The following FSTL4 variants were observed in gnomAD, a reference collection of about 807,000 sequenced individuals.
FSTL4 encodes the protein follistatin-related protein 4.
Under a neutral mutation model 78.2 loss-of-function variants are expected in FSTL4, and 28 were observed. The observed-to-expected ratio is 0.36, with a 90% CI of 0.27 to 0.49. FSTL4 has a LOEUF of 0.49. Among genes scored for constraint, FSTL4 ranks in the 20% least tolerant of loss-of-function variants. FSTL4 has a pLI of 0.98. For missense variants in FSTL4, 922 were observed against 1,084.9 expected (o/e 0.85, Z 2.11); for synonymous variants, 422 against 440.5 (o/e 0.96, Z 0.53).
the FSTL4 span, among the ~76,000 whole-genome samples, chr5:133,712,324 A>C: frequency 2.0e-5 from 3 of 152,166 alleles, no homozygotes; most frequent in African/African-American, 7.2e-5. Flanking sequence ...CTTTATAAGT[A>C]GGCCTGTGGG....
At chr5:133,271,514 C>T (rs555647386) in intron 6 of FSTL4, among the ~76,000 whole-genome samples, 4 of 152,280 alleles carry the variant, frequency 2.6e-5, no homozygotes, top group African/African-American at 9.6e-5. Flanking sequence ...CCAGGAGTGG[C>T]TAGCCTTTCC....
the FSTL4 span, among the ~76,000 whole-genome samples, chr5:133,715,024 C>T: frequency 3.9e-5 from 6 of 152,214 alleles, no homozygotes; most frequent in East Asian, 1.9e-4. Context: ...CAGCCACCTT[C>T]GGCATAGACA....
the FSTL4 span, among the ~76,000 whole-genome samples, chr5:133,755,041 C>T: frequency 6.6e-6 from 1 of 152,156 alleles, no homozygotes; most frequent in Admixed American, 6.5e-5. Flanking sequence ...CCTCCATCCC[C>T]CTGCAAGCCA....
intron 14 of FSTL4, among the ~76,000 whole-genome samples, chr5:133,209,073 G>A (rs1267800008): frequency 3.9e-5 from 6 of 152,084 alleles, no homozygotes; most frequent in African/African-American, 1.4e-4. Flanking sequence ...ATTTTTTGTT[G>A]GTATTTCTGG....
chr5:133,839,665 G>C, the FSTL4 span, among the ~76,000 whole-genome samples: 1 of 152,188 alleles, frequency 6.6e-6, no homozygotes, highest in Non-Finnish European at 1.5e-5. Flanking sequence ...GAGCTAAGTT[G>C]TTCATAATAA....
At position 133,225,909 on chromosome 5, in the gene FSTL4, G is replaced by T. The variant is rs1751318806; in HGVS notation, c.1016-90C>A. On this transcript the variant is annotated intron_variant, in intron 8 of 15. Coordinates refer to ENST00000265342, the MANE Select transcript of FSTL4 (RefSeq NM_015082.2). This position sits in a 1 kb window ranked among gnomAD's most constrained non-coding sequence, Gnocchi z 4.6. ...CAACCTGAGACCCTGCTCCAGAGGG[G>T]GTGAACCCAAGTAGGTGACTGGAGT... 2 of 1,004,964 alleles carry T rather than the reference G, an allele frequency of 2.0e-6. No individual in the cohort carries two copies. The highest frequency in any genetic ancestry group is 2.2e-5 in the South Asian group (1 of 45,066). The allele number at this position is 1,004,964 out of a possible 1,614,324, so 62.3% of individuals were successfully genotyped here. A position where few individuals can be genotyped will look rare whatever the true frequency, so the allele number is the denominator to read the frequency against.
intron 3 of FSTL4, among the ~76,000 whole-genome samples, chr5:133,555,267 C>G (rs1310909492): frequency 6.6e-6 from 1 of 152,110 alleles, no homozygotes; most frequent in African/African-American, 2.4e-5. Flanking sequence ...TTAAAAGAAC[C>G]AAAACAGGAC....
At chr5:133,506,586 T>A (rs1438382931) in intron 3 of FSTL4, among the ~76,000 whole-genome samples, 1 of 152,240 alleles carries the variant, frequency 6.6e-6, no homozygotes, top group Non-Finnish European at 1.5e-5. Context: ...ATATAACCGC[T>A]ACACAGTCTT....
intron 6 of FSTL4, among the ~76,000 whole-genome samples, chr5:133,272,709 C>T (rs58052315): frequency 2.4e-3 from 358 of 152,276 alleles, no homozygotes; most frequent in African/African-American, 7.9e-3. Context: ...ATAACTCTTC[C>T]GATTTTATTA....
At chr5:133,239,206 C>T (rs977030448) in intron 7 of FSTL4, among the ~76,000 whole-genome samples, 1 of 152,142 alleles carries the variant, frequency 6.6e-6, no homozygotes, top group Non-Finnish European at 1.5e-5. Flanking sequence ...ATCTGCAGCC[C>T]GCCATGCCTG....
intron 3 of FSTL4, among the ~76,000 whole-genome samples, chr5:133,556,465 C>T (rs1257702629): frequency 1.3e-5 from 2 of 152,126 alleles, no homozygotes; most frequent in African/African-American, 4.8e-5. Flanking sequence ...GTGGCTCATA[C>T]CTGTAATCCC....
At chr5:133,596,084 G>C (rs191626970) in intron 2 of FSTL4, among the ~76,000 whole-genome samples, 2 of 152,366 alleles carry the variant, frequency 1.3e-5, no homozygotes, top group Non-Finnish European at 2.9e-5. Flanking sequence ...GTTCTATGGT[G>C]GGGGAGGAGG....
chr5:133,281,802 C>A (rs1465786209), intron 6 of FSTL4, among the ~76,000 whole-genome samples: 1 of 152,072 alleles, frequency 6.6e-6, no homozygotes, highest in African/African-American at 2.4e-5. Context: ...TTTTCCAGGG[C>A]ATGGGTTGGG....
chr5:133,220,516 C>CCACCTGGGCCT (rs1751058730), intron 12 of FSTL4, among the ~76,000 whole-genome samples: 2 of 152,194 alleles, frequency 1.3e-5, no homozygotes. Flanking sequence ...CCCATTTGTA[C>CCACCTGGGCCT]CACCTGGGCC....
At chr5:133,819,970 A>G in the FSTL4 span, among the ~76,000 whole-genome samples, 3 of 152,312 alleles carry the variant, frequency 2.0e-5, no homozygotes, top group Non-Finnish European at 4.4e-5. Flanking sequence ...GTGGCCGCTC[A>G]TAGGTACACT....
intron 6 of FSTL4, among the ~76,000 whole-genome samples, chr5:133,277,964 T>G (rs1362374011): frequency 6.6e-6 from 1 of 152,226 alleles, no homozygotes; most frequent in Non-Finnish European, 1.5e-5. Flanking sequence ...CAGAGCCGTG[T>G]GCTCTTCTGA....
the FSTL4 span, among the ~76,000 whole-genome samples, chr5:133,635,988 G>A: frequency 6.6e-6 from 1 of 152,202 alleles, no homozygotes; most frequent in Non-Finnish European, 1.5e-5. Flanking sequence ...ACCTCATAGT[G>A]CATGGCATCA....
At chr5:133,275,535 G>C (rs1253536361) in intron 6 of FSTL4, among the ~76,000 whole-genome samples, 1 of 150,072 alleles carries the variant, frequency 6.7e-6, no homozygotes, top group East Asian at 1.9e-4. Flanking sequence ...ACTCTAGCCT[G>C]GGCAACAAGA....
chr5:133,298,181 T>A (rs1312771215), intron 6 of FSTL4, among the ~76,000 whole-genome samples: 1 of 152,232 alleles, frequency 6.6e-6, no homozygotes, highest in East Asian at 1.9e-4. Context: ...TCCTCTCTCA[T>A]AGATTGCTGC....
Sources: gnomAD v4.1 joint callset for allele counts (sites outside exome capture counted in the v4.1 genomes callset) on GRCh38, gnomAD v4.1.1 for gene constraint, Gnocchi (gnomAD v3.1) non-coding constraint, MANE v1.5 for transcripts, NCBI Gene and HGNC (gene_info 2026-07-23, HGNC 2026-07-21) for gene names.